The following ARPC1B variants were observed in gnomAD, a reference collection of about 807,000 sequenced individuals.
The protein encoded by ARPC1B is actin related protein 2/3 complex subunit 1B.
Under a neutral mutation model 46.0 loss-of-function variants are expected in ARPC1B, and 29 were observed. The ratio of observed to expected loss-of-function variants is 0.63; its 90% CI spans 0.47 to 0.86. The LOEUF (loss-of-function observed/expected upper bound fraction) is 0.86, where lower values mean the gene tolerates loss of function less well. Ranked by LOEUF, ARPC1B falls within the 40% of genes least tolerant of loss-of-function variation. ARPC1B has a pLI of 0.00. For missense variants in ARPC1B, 469 were observed against 529.4 expected (o/e 0.89, Z 1.12); for synonymous variants, 201 against 213.9 (o/e 0.94, Z 0.53).
chr7:99,386,374 C>A, intron 2 of ARPC1B: 2 of 530,448 alleles, frequency 3.8e-6, no homozygotes, highest in South Asian at 1.6e-5. Flanking sequence ...TGTGCCCCAG[C>A]TGGGGAGGGG....
At chr7:99,385,998 C>A (rs1794380350) in intron 2 of ARPC1B, among the ~76,000 whole-genome samples, 1 of 152,288 alleles carries the variant, frequency 6.6e-6, no homozygotes, top group Non-Finnish European at 1.5e-5. Flanking sequence ...TGCCTGTAAT[C>A]CCGGCACTTT....
At chr7:99,389,780 T>A in intron 4 of ARPC1B, 125 bp from the exon 5 acceptor site, 1 of 807,012 alleles carries the variant, frequency 1.2e-6, no homozygotes, top group Non-Finnish European at 2.0e-6. Context: ...CAATGCCCAG[T>A]CGCCTCTCTC....
rs956871694 is a variant in ARPC1B at position 99,390,767 on chromosome 7, AG to A, written c.501-125del. On this transcript the variant is annotated intron_variant, in intron 5 of 9. Transcript: ENST00000646101. ...AACTGGAGCACAGTAGCGCAATCAC[AG>A]CTCACTGCAGCCTTGACCTCCTGGG... The A allele has an allele frequency of 1.6e-4, 119 of 734,756 alleles. 1 individual carries two copies. Among genetic ancestry groups the A allele is most frequent in the South Asian group, 4.5e-4 (25 of 55,228 alleles). The allele number at this position is 734,756 out of a possible 1,614,324, so 45.5% of individuals were successfully genotyped here. A position where few individuals can be genotyped will look rare whatever the true frequency, so the allele number is the denominator to read the frequency against.
At chr7:99,376,381 G>T (rs1187631428) in intron 1 of ARPC1B, 1 of 152,216 alleles carries the variant, frequency 6.6e-6, no homozygotes, top group Non-Finnish European at 1.5e-5. Context: ...ACCTGGCAGC[G>T]TGTCAGGCGC....
chr7:99,390,875 C>T lies in ARPC1B; in HGVS notation c.501-18C>T. ...ACCATGCCTGGCTACTTTACCTCTA[C>T]TTTGCCTATCCCGGTAGGATCTTTT... On this transcript the variant is annotated intron_variant, in intron 5 of 9. Transcript: ENST00000646101. 6.3e-7 allele frequency: 1 copy of T among 1,583,872 alleles called. No individual in the cohort carries two copies. The highest frequency in any genetic ancestry group is 1.1e-5 in the South Asian group (1 of 87,686).
intron 2 of ARPC1B, 114 bp downstream of exon 2, chr7:99,385,892 G>T: frequency 7.1e-6 from 8 of 1,120,804 alleles, no homozygotes; most frequent in Non-Finnish European, 1.0e-5. Flanking sequence ...TGGGCTCCAT[G>T]TGGCTGTCCC....
intron 8 of ARPC1B, among the ~76,000 whole-genome samples, chr7:99,393,822 C>G (rs1236774855): frequency 1.3e-5 from 2 of 152,190 alleles, no homozygotes; most frequent in Non-Finnish European, 2.9e-5. Context: ...TTCCTGCCTC[C>G]CAGGACTTGA....
At chr7:99,377,620 C>T (rs1252366978) in intron 1 of ARPC1B, among the ~76,000 whole-genome samples, 1 of 148,636 alleles carries the variant, frequency 6.7e-6, no homozygotes, top group Non-Finnish European at 1.5e-5. Context: ...GCTTCTTCTT[C>T]TTCTTCTTCT....
chr7:99,374,867 G>A lies in ARPC1B; in HGVS notation c.-14+86G>A, dbSNP rs1443249523. Reference sequence around the variant, plus strand: ...CGCGTAGATGTGGGGCGCCGCCTGGGAGTGAGCGGGACTGGAGGGATGAGA... The same window carrying A: ...CGCGTAGATGTGGGGCGCCGCCTGGAAGTGAGCGGGACTGGAGGGATGAGA... On this transcript the variant is annotated intron_variant, in intron 1 of 9. Transcript: ENST00000646101. This position sits in a 1 kb window ranked among gnomAD's most constrained non-coding sequence, Gnocchi z 5.0. The A allele has an allele frequency of 6.6e-6, 1 of 151,928 alleles. No homozygotes were observed. The highest frequency in any genetic ancestry group is 1.9e-4 in the East Asian group (1 of 5,138). 9.4% of individuals were successfully genotyped at this position (151,928 alleles called of 1,614,324 possible). A position where few individuals can be genotyped will look rare whatever the true frequency, so the allele number is the denominator to read the frequency against.
At chr7:99,381,462 G>T (rs1483051959) in intron 1 of ARPC1B, among the ~76,000 whole-genome samples, 1 of 152,118 alleles carries the variant, frequency 6.6e-6, no homozygotes, top group African/African-American at 2.4e-5. Context: ...TGTGTGTGAG[G>T]CTGAACACGC....
intron 8 of ARPC1B, among the ~76,000 whole-genome samples, chr7:99,393,437 G>A (rs1049290631): frequency 1.3e-5 from 2 of 152,144 alleles, no homozygotes; most frequent in Admixed American, 1.3e-4. Flanking sequence ...TGACCAGCGG[G>A]CTTCCTGGGC....
At chr7:99,388,476 T>A (rs888109060) in intron 4 of ARPC1B, among the ~76,000 whole-genome samples, 2 of 152,070 alleles carry the variant, frequency 1.3e-5, no homozygotes, top group Non-Finnish European at 2.9e-5. Context: ...CAGAAACACA[T>A]CTGGGGGCAC....
At chr7:99,388,906 C>T (rs1183797159) in intron 4 of ARPC1B, 2 of 150,318 alleles carry the variant, frequency 1.3e-5, no homozygotes, top group African/African-American at 2.5e-5. Flanking sequence ...GTTGGGATTA[C>T]AGGCGTGAGC....
rs538555340 is a variant in ARPC1B, at chr7:99,390,681, C to A, written c.501-212C>A. On this transcript the variant is annotated intron_variant, in intron 5 of 9. Transcript: ENST00000646101. ...AAGCTTCAGCCACCATGCCCAGGCA[C>A]CTGTTAACCCTTTAAAAAAAATTTT... 3.3e-5 allele frequency among the ~76,000 whole-genome samples: 5 copies of A among 152,036 alleles called. No individual in the cohort carries two copies. The East Asian group carries it at 7.7e-4, about 24-fold the overall frequency.
chr7:99,388,608 C>T (rs1794474751), intron 4 of ARPC1B: 2 of 213,662 alleles, frequency 9.4e-6, no homozygotes, highest in Non-Finnish European at 1.9e-5. Flanking sequence ...TCTCAAGGCA[C>T]CACTCACGAG....
chr7:99,375,860 G>A (rs1794019328), intron 1 of ARPC1B, among the ~76,000 whole-genome samples: 1 of 152,192 alleles, frequency 6.6e-6, no homozygotes, highest in Middle Eastern at 3.4e-3. Context: ...TCAGGAGTTC[G>A]AGACTAGCCT....
At chr7:99,380,409 C>G (rs1333538727) in intron 1 of ARPC1B, among the ~76,000 whole-genome samples, 2 of 152,112 alleles carry the variant, frequency 1.3e-5, no homozygotes, top group Non-Finnish European at 2.9e-5. Flanking sequence ...GTCTCTCGCC[C>G]CCTTAACACT....
chr7:99,387,970 T>C (rs952551986), intron 3 of ARPC1B, 69 bp from the exon 4 acceptor site: 1 of 1,033,028 alleles, frequency 9.7e-7, no homozygotes, highest in Non-Finnish European at 1.5e-6. Flanking sequence ...GCCTCTCCCA[T>C]GTGGCCACCA....
rs539304453 is a variant in ARPC1B, at chr7:99,378,416, C to T, written c.-14+3635C>T. 2.6e-5 allele frequency among the ~76,000 whole-genome samples: 4 copies of T among 151,650 alleles called. No homozygotes were observed. In the South Asian group the frequency reaches 8.4e-4, roughly 32 times the overall value. The stretch of plus-strand genomic sequence containing the variant: ...AAAAATGGGGCCAGGCGTGGTGGCT[C>T]ACACCTGTAATCCCAGCACTTTGGG... On this transcript the variant is annotated intron_variant, in intron 1 of 9. Coordinates refer to ENST00000646101, the MANE Select transcript of ARPC1B (RefSeq NM_005720.4).
Sources: allele counts gnomAD v4.1 joint callset (sites outside exome capture counted in the v4.1 genomes callset), GRCh38; gene constraint gnomAD v4.1.1; non-coding constraint Gnocchi (gnomAD v3.1); transcripts MANE v1.5; gene names NCBI Gene and HGNC (gene_info 2026-07-23, HGNC 2026-07-21).